Variants in JPH3 observed in about 807,000 individuals in gnomAD.
JPH3 encodes the protein junctophilin-3.
In JPH3, 11 loss-of-function variants were observed where a neutral mutation model predicts 59.6. That is an observed-to-expected ratio of 0.18 (90% CI 0.12 to 0.31). JPH3 has a LOEUF of 0.31. Ranked by LOEUF, JPH3 falls within the 10% of genes least tolerant of loss-of-function variation. The pLI is 1.00. For synonymous variants in JPH3, 673 were observed against 483.6 expected, an observed-to-expected ratio of 1.39 and a Z score of -5.14; for missense variants, 1,202 against 1,105.7, an observed-to-expected ratio of 1.09 and a Z score of -1.24.
intron 1 of JPH3, among the ~76,000 whole-genome samples, chr16:87,637,861 G>C (rs1026743076): frequency 1.3e-5 from 2 of 152,130 alleles, no homozygotes; most frequent in African/African-American, 4.8e-5. Flanking sequence ...CACCCCGTGC[G>C]GGGGCTGCTG....
intron 1 of JPH3, chr16:87,604,425 T>C (rs2030428844): frequency 2.2e-6 from 3 of 1,394,680 alleles, no homozygotes; most frequent in Admixed American, 2.2e-5. Flanking sequence ...CTGACACGCA[T>C]GGAGCCGGTC....
At chr16:87,622,920 G>A (rs2031242007) in intron 1 of JPH3, among the ~76,000 whole-genome samples, 1 of 152,266 alleles carries the variant, frequency 6.6e-6, no homozygotes, top group East Asian at 1.9e-4. Context: ...GGGCCCTGGG[G>A]TCCCAGGGTC....
intron 4 of JPH3, chr16:87,694,371 G>A (rs1458306289): frequency 1.3e-5 from 2 of 152,216 alleles, no homozygotes; most frequent in Non-Finnish European, 2.9e-5. Flanking sequence ...GCACAGCCTG[G>A]GGAAAGAATG....
rs143232102 is a variant in JPH3 at position 87,665,331 on chromosome 16, G to T, written c.1161-18811G>T. Among the ~76,000 whole-genome samples the T allele has an allele frequency of 4.6e-3, 695 of 152,298 alleles. 5 individuals are homozygous for T. The highest frequency in any genetic ancestry group is 0.016 in the African/African-American group (657 of 41,536). Reference sequence around the variant, plus strand: ...CCCGGGTTTGGTTTCTCCCCATTGTGCAGGGTCTTGGGGTAGGGTCTGAGC... The same window carrying T: ...CCCGGGTTTGGTTTCTCCCCATTGTTCAGGGTCTTGGGGTAGGGTCTGAGC... On this transcript the variant is annotated intron_variant, in intron 2 of 4. Coordinates refer to ENST00000284262, the MANE Select transcript of JPH3 (RefSeq NM_020655.4).
chr16:87,622,480 G>A (rs568253863), intron 1 of JPH3, among the ~76,000 whole-genome samples: 53 of 146,614 alleles, frequency 3.6e-4, no homozygotes, highest in African/African-American at 1.1e-3. Context: ...GCAGAGGGGC[G>A]TGCAGGCAGC....
At chr16:87,661,838 C>G (rs2032713845) in intron 2 of JPH3, among the ~76,000 whole-genome samples, 2 of 152,218 alleles carry the variant, frequency 1.3e-5, no homozygotes, top group South Asian at 4.1e-4. Context: ...CAGCATTTCC[C>G]CAATTACGAA....
intron 1 of JPH3, among the ~76,000 whole-genome samples, chr16:87,643,067 C>G (rs1300624400): frequency 6.6e-6 from 1 of 152,176 alleles, no homozygotes; most frequent in Non-Finnish European, 1.5e-5. Flanking sequence ...CTCCCCAGCC[C>G]CTGCACCCAC....
At chr16:87,607,607 G>C (rs1206875647) in intron 1 of JPH3, among the ~76,000 whole-genome samples, 1 of 152,272 alleles carries the variant, frequency 6.6e-6, no homozygotes, top group Non-Finnish European at 1.5e-5. Flanking sequence ...GACAGAGGCA[G>C]TGGTGTGCTT....
rs183364187 is a variant in JPH3, at chr16:87,629,127, C to T, written c.383-15131C>T. Among the ~76,000 whole-genome samples, 74 of 152,208 alleles carry T rather than the reference C, an allele frequency of 4.9e-4. No homozygotes were observed. In the East Asian group the frequency reaches 0.013, roughly 26 times the overall value. Reference sequence around the variant, plus strand: ...GTGGCCTTGGGCAAGTGACTCACTTCTCTGAGCCTCTGTGTGTCATGGGGA... The same window carrying T: ...GTGGCCTTGGGCAAGTGACTCACTTTTCTGAGCCTCTGTGTGTCATGGGGA... On this transcript the variant is annotated intron_variant, in intron 1 of 4. Coordinates refer to ENST00000284262, the MANE Select transcript of JPH3 (RefSeq NM_020655.4).
chr16:87,674,389 C>T (rs2033094810), intron 2 of JPH3, among the ~76,000 whole-genome samples: 1 of 152,180 alleles, frequency 6.6e-6, no homozygotes, highest in Non-Finnish European at 1.5e-5. Flanking sequence ...TGGGCCAACA[C>T]TTGTGTCCAG....
chr16:87,644,110 C>T lies in JPH3; in HGVS notation c.383-148C>T, dbSNP rs533452084. On this transcript the variant is annotated intron_variant, in intron 1 of 4. Coordinates refer to ENST00000284262, the MANE Select transcript of JPH3 (RefSeq NM_020655.4). Reference sequence around the variant, plus strand: ...CTGTGATGGTCTCACTGCACTCCAGCCTGGGCAACACAGCGAGAACCTGTC... The same window carrying T: ...CTGTGATGGTCTCACTGCACTCCAGTCTGGGCAACACAGCGAGAACCTGTC... 7.8e-5 allele frequency: 65 copies of T among 836,652 alleles called. No individual in the cohort carries two copies. The African/African-American group carries it at 9.4e-4, about 12-fold the overall frequency. 51.8% of individuals were successfully genotyped at this position (836,652 alleles called of 1,614,324 possible). A position where few individuals can be genotyped will look rare whatever the true frequency, so the allele number is the denominator to read the frequency against.
At chr16:87,681,349 G>A (rs1278821368) in intron 2 of JPH3, among the ~76,000 whole-genome samples, 6 of 144,766 alleles carry the variant, frequency 4.1e-5, no homozygotes, top group Non-Finnish European at 7.6e-5. Flanking sequence ...TGACAGTTCC[G>A]GGAGGTCAGG....
intron 2 of JPH3, among the ~76,000 whole-genome samples, chr16:87,669,063 C>T (rs981871194): frequency 3.3e-5 from 5 of 152,222 alleles, no homozygotes; most frequent in African/African-American, 7.2e-5. Flanking sequence ...ATCGCCGCTG[C>T]ATCTCCCGGT....
rs137877500 is a variant in JPH3, at chr16:87,674,195, G to A, written c.1161-9947G>A. 3.0e-3 allele frequency among the ~76,000 whole-genome samples: 457 copies of A among 152,174 alleles called. 18 individuals are homozygous for A. In the East Asian group the frequency reaches 0.076, roughly 25 times the overall value. On this transcript the variant is annotated intron_variant, in intron 2 of 4. Coordinates refer to ENST00000284262, the MANE Select transcript of JPH3 (RefSeq NM_020655.4). The stretch of plus-strand genomic sequence containing the variant: ...TAAAAATACAAAAAATTAGCCAGGC[G>A]TGGTGGCGGGCGCCTGTAGTCCCAG...
intron 2 of JPH3, among the ~76,000 whole-genome samples, chr16:87,670,317 C>G (rs2032982351): frequency 1.3e-5 from 2 of 152,202 alleles, no homozygotes; most frequent in African/African-American, 4.8e-5. Flanking sequence ...CACCAGGGTC[C>G]TGGGAGAAGC....
intron 1 of JPH3, among the ~76,000 whole-genome samples, chr16:87,633,404 A>T (rs569980148): frequency 6.6e-6 from 1 of 151,722 alleles, no homozygotes; most frequent in South Asian, 2.1e-4. Flanking sequence ...ACTGCAGCAT[A>T]TGCATTTTGG....
chr16:87,689,334 C>A (rs1009213658), intron 3 of JPH3, among the ~76,000 whole-genome samples: 4 of 152,172 alleles, frequency 2.6e-5, no homozygotes, highest in Non-Finnish European at 5.9e-5. Context: ...TGAGTCCACA[C>A]CCCAGCGTCC....
chr16:87,627,689 G>C (rs1437298706), intron 1 of JPH3, among the ~76,000 whole-genome samples: 1 of 152,206 alleles, frequency 6.6e-6, no homozygotes, highest in East Asian at 1.9e-4. Context: ...ACAGTATGGG[G>C]AAGGTGAGGC....
intron 3 of JPH3, 71 bp downstream of exon 3, chr16:87,684,337 C>T: frequency 6.4e-7 from 1 of 1,573,840 alleles, no homozygotes; most frequent in Non-Finnish European, 8.6e-7. Flanking sequence ...GTCCTGGCAG[C>T]AGATGTGTCC....
Sources: gnomAD v4.1 joint callset for allele counts (sites outside exome capture counted in the v4.1 genomes callset) on GRCh38, gnomAD v4.1.1 for gene constraint, MANE v1.5 for transcripts, NCBI Gene and HGNC (gene_info 2026-07-23, HGNC 2026-07-21) for gene names.